PRPS2: variants seen among roughly 807,000 people sequenced by gnomAD.
PRPS2 encodes phosphoribosyl pyrophosphate synthetase 2.
For synonymous variants in PRPS2, 111 were observed against 115.3 expected, an observed-to-expected ratio of 0.96 and a Z score of 0.24; for missense variants, 104 against 271.5, an observed-to-expected ratio of 0.38 and a Z score of 4.34.
chrX:12,796,852 A>ATTTTTTTT (rs35240522), intron 1 of PRPS2, among the ~76,000 whole-genome samples: 2 of 34,241 alleles, frequency 5.8e-5, no homozygotes, highest in African/African-American at 1.2e-4. Flanking sequence ...AGTATTTCAG[A>ATTTTTTTT]TTTTTTTTTT....
Position 12,809,229 on chromosome X carries a change from T to C in PRPS2, c.307-5T>C. On this transcript the variant is annotated splice_region_variant and splice_polypyrimidine_tract_variant and intron_variant, in intron 2 of 6. Transcript: ENST00000380668. Reference sequence around the variant, plus strand: ...CTGTTATAAAATTAATGTTCTTACTTGTAGAGTCGTGCCCCAATTTCTGCA... The same window carrying C: ...CTGTTATAAAATTAATGTTCTTACTCGTAGAGTCGTGCCCCAATTTCTGCA... 1 of 1,206,687 alleles carries C rather than the reference T, an allele frequency of 8.3e-7. No homozygotes were observed. The highest frequency in any genetic ancestry group is 1.1e-6 in the Non-Finnish European group (1 of 892,723).
chrX:12,820,552 G>GA, intron 5 of PRPS2, 92 bp from the exon 6 acceptor site: 3 of 953,264 alleles, frequency 3.1e-6, no homozygotes, highest in Non-Finnish European at 4.3e-6. Context: ...TTCTTTTACG[G>GA]AGCACACTTT....
intron 6 of PRPS2, among the ~76,000 whole-genome samples, chrX:12,822,280 A>C (rs899755211): frequency 2.7e-5 from 3 of 112,344 alleles, no homozygotes; most frequent in Non-Finnish European, 5.6e-5. Context: ...TATGTTAACT[A>C]TTTGGTCCTC....
At position 12,819,585 on chromosome X, in the gene PRPS2, C is replaced by T. The variant is rs774207331; in HGVS notation, c.609C>T (p.Asp203=). ...AGAGGAAGAAGGCGAATGAAGTGGA[C>T]CGGATGGTCCTGGTGGGCGACGTGA... ...HKERKKANEV[D]RMVLVGDVKD... is the part of the protein sequence containing the mutation. The change falls in exon 5 of 7, where the codon GAC becomes GAT. Residue 203 remains aspartate (D), a synonymous_variant. Coordinates refer to ENST00000380668, the MANE Select transcript of PRPS2 (RefSeq NM_002765.5). 3 of 1,211,766 alleles carry T rather than the reference C, an allele frequency of 2.5e-6. No individual in the cohort carries two copies. In the African/African-American group the frequency reaches 5.2e-5, roughly 21 times the overall value.
rs765511708 is a variant in PRPS2, at chrX:12,809,471, G to C, written c.405+139G>C. On this transcript the variant is annotated intron_variant, in intron 3 of 6. Coordinates refer to ENST00000380668, the MANE Select transcript of PRPS2 (RefSeq NM_002765.5). ...TTTACTAAACTTGAAAATATAATTT[G>C]ATATTAGTACTTCCAGTCTCTATCA... The C allele has an allele frequency of 8.0e-6, 5 of 628,896 alleles. No homozygotes were observed. The South Asian group carries it at 1.4e-4, about 18-fold the overall frequency. The allele number at this position is 628,896 out of a possible 1,213,427, so 51.8% of individuals were successfully genotyped here. A position where few individuals can be genotyped will look rare whatever the true frequency, so the allele number is the denominator to read the frequency against.
rs781190493 is a variant in PRPS2 at position 12,799,394 on chromosome X, G to A, written c.306+4G>A. 2 of 1,206,169 alleles carry A rather than the reference G, an allele frequency of 1.7e-6. No homozygotes were observed. The highest frequency in any genetic ancestry group is 2.3e-4 in the Middle Eastern group (1 of 4,327). On this transcript the variant is annotated splice_donor_region_variant and intron_variant, in intron 2 of 6. Transcript: ENST00000380668. ...CCGACAAGATAAAAAGGACAAGGTA[G>A]GAGAGGTGTGTGCCCTAGAAACCTG...
At chrX:12,792,286 G>GT (rs2042523743) in intron 1 of PRPS2, among the ~76,000 whole-genome samples, 1 of 112,410 alleles carries the variant, frequency 8.9e-6, no homozygotes, top group Non-Finnish European at 1.9e-5. Flanking sequence ...GGGTGCAGTT[G>GT]TGCCAAGGTT....
At chrX:12,809,870 T>C (rs1440587768) in intron 3 of PRPS2, 152 bp from the exon 4 acceptor site, 1 of 781,470 alleles carries the variant, frequency 1.3e-6, no homozygotes, top group Non-Finnish European at 1.8e-6. Flanking sequence ...GATTTAATTC[T>C]GTTTAAAATT....
In PRPS2 at chrX:12,816,295, C is replaced by A. The variant is rs73438860; in HGVS notation, c.531-3212C>A. Among the ~76,000 whole-genome samples the A allele has an allele frequency of 5.6e-3, 621 of 111,372 alleles. 6 individuals are homozygous for A. Among genetic ancestry groups the A allele is most frequent in the African/African-American group, 0.019 (588 of 30,616 alleles). ...ACATAGTTGGATTTATGACCACCAC[C>A]TTACTATGTGGTTTTTTTGTTTTTG... On this transcript the variant is annotated intron_variant, in intron 4 of 6. Transcript: ENST00000380668.
At chrX:12,791,815 C>G (rs952701767) in intron 1 of PRPS2, among the ~76,000 whole-genome samples, 196 bp downstream of exon 1, 2 of 110,822 alleles carry the variant, frequency 1.8e-5, no homozygotes, top group Non-Finnish European at 3.8e-5. Flanking sequence ...CCGCGCGTCC[C>G]GATGCGCGCC....
At position 12,809,338 on chromosome X, in the gene PRPS2, C is replaced by A; in HGVS notation, c.405+6C>A. On this transcript the variant is annotated splice_donor_region_variant and intron_variant, in intron 3 of 6. Coordinates refer to ENST00000380668, the MANE Select transcript of PRPS2 (RefSeq NM_002765.5). ...TGCATGCTTCTCAGATACAGGTATCCGTGTTTTCCTTCTGCAAATGGTTAA... is the reference window on the plus strand; with the variant it reads ...TGCATGCTTCTCAGATACAGGTATCAGTGTTTTCCTTCTGCAAATGGTTAA... 8.3e-7 allele frequency: 1 copy of A among 1,198,202 alleles called. No homozygotes were observed. The highest frequency in any genetic ancestry group is 1.1e-6 in the Non-Finnish European group (1 of 886,079).
chrX:12,822,383 G>C (rs754480910), intron 6 of PRPS2, among the ~76,000 whole-genome samples: 2 of 112,089 alleles, frequency 1.8e-5, no homozygotes, highest in South Asian at 3.7e-4. Flanking sequence ...AAAACCTTCC[G>C]TATAATGATT....
chrX:12,810,137 G>C lies in PRPS2; in HGVS notation c.521G>C (p.Gly174Ala). The change falls in exon 4 of 7, where the codon GGA (glycine) becomes GCA (alanine). Residue 174 changes from glycine to alanine, a missense_variant. Transcript: ENST00000380668. ...ATCATTGTTTCACCTGACGCAGGGG[G>C]AGCCAAAAGGTATCATGCAGGCTAC... The part of the protein sequence containing the change: ...NCIIVSPDAG[G>A]AKRVTSIADR... 1 of 1,211,775 alleles carries C rather than the reference G, an allele frequency of 8.3e-7. No homozygotes were observed.
chrX:12,809,172 A>C, intron 2 of PRPS2, 62 bp from the exon 3 acceptor site: 1 of 1,018,402 alleles, frequency 9.8e-7, no homozygotes, highest in Non-Finnish European at 1.4e-6. Context: ...TGTACGTCTT[A>C]GTGGGAGGAA....
At chrX:12,792,839 A>C (rs1390909597) in intron 1 of PRPS2, among the ~76,000 whole-genome samples, 2 of 111,747 alleles carry the variant, frequency 1.8e-5, no homozygotes, top group Non-Finnish European at 3.8e-5. Flanking sequence ...GTTAGGCAAA[A>C]ATTTCTTAAG....
chrX:12,809,018 C>T (rs770458862), intron 2 of PRPS2, among the ~76,000 whole-genome samples: 98 of 112,101 alleles, frequency 8.7e-4, no homozygotes, highest in South Asian at 4.1e-3. Context: ...CTATACCCAG[C>T]GTCAAGCACT....
At chrX:12,803,589 C>T (rs1429613374) in intron 2 of PRPS2, among the ~76,000 whole-genome samples, 2 of 112,860 alleles carry the variant, frequency 1.8e-5, no homozygotes, top group Admixed American at 9.3e-5. Context: ...TACCACCACA[C>T]CTGGCATCTC....
chrX:12,796,380 C>G (rs2042543880), intron 1 of PRPS2, among the ~76,000 whole-genome samples: 1 of 110,314 alleles, frequency 9.1e-6, no homozygotes, highest in African/African-American at 3.3e-5. Context: ...ACCACCACAC[C>G]TGGCTAATTT....
intron 2 of PRPS2, among the ~76,000 whole-genome samples, chrX:12,802,128 G>A (rs1318403707): frequency 1.8e-5 from 2 of 111,714 alleles, no homozygotes; most frequent in African/African-American, 6.5e-5. Flanking sequence ...TCTGATTTGC[G>A]GTGACCTCTT....
Sources: allele counts gnomAD v4.1 joint callset (sites outside exome capture counted in the v4.1 genomes callset), GRCh38; gene constraint gnomAD v4.1.1; transcripts MANE v1.5; gene names NCBI Gene and HGNC (gene_info 2026-07-23, HGNC 2026-07-21).